Variants in EYS observed in about 807,000 individuals in gnomAD.
EYS encodes the protein EGF-like photoreceptor maintenance factor.
EYS carries 250 observed loss-of-function variants against 282.1 expected under a neutral mutation model. The ratio of observed to expected loss-of-function variants is 0.89; its 90% confidence interval spans 0.80 to 0.98. The LOEUF (loss-of-function observed/expected upper bound fraction) is 0.98. Among genes scored for constraint, EYS ranks in the 50% least tolerant of loss-of-function variants. The probability of loss-of-function intolerance (pLI) is 0.00; values close to 1 mark genes in which losing one functional copy is unlikely to be tolerated. For synonymous variants in EYS, 1,355 were observed against 1,282.9 expected (o/e 1.06, Z -1.20); for missense variants, 4,016 against 3,709.0 (o/e 1.08, Z -2.15).
intron 1 of EYS, among the ~76,000 whole-genome samples, chr6:65,657,722 G>T (rs1323707637): frequency 6.6e-6 from 1 of 151,860 alleles, no homozygotes; most frequent in African/African-American, 2.4e-5. Flanking sequence ...AAAGTTAGTT[G>T]AGAAAGCAGT....
chr6:64,268,154 T>G (rs1238563626), intron 30 of EYS, among the ~76,000 whole-genome samples: 1 of 152,164 alleles, frequency 6.6e-6, no homozygotes, highest in Non-Finnish European at 1.5e-5. Context: ...TTATGTCACA[T>G]CCATAAAATT....
At chr6:64,422,252 T>C (rs1774261422) in intron 28 of EYS, among the ~76,000 whole-genome samples, 1 of 152,118 alleles carries the variant, frequency 6.6e-6, no homozygotes, top group Admixed American at 6.6e-5. Context: ...ACTCGAAACA[T>C]GTTACCTTCT....
intron 26 of EYS, among the ~76,000 whole-genome samples, chr6:64,521,347 C>A (rs1479722019): frequency 6.6e-6 from 1 of 151,746 alleles, no homozygotes; most frequent in East Asian, 1.9e-4. Flanking sequence ...GGTATCTCAG[C>A]TGCATCTGGT....
intron 12 of EYS, among the ~76,000 whole-genome samples, chr6:65,273,143 A>G (rs911740164): frequency 6.6e-6 from 1 of 152,178 alleles, no homozygotes; most frequent in Non-Finnish European, 1.5e-5. Context: ...GCTACTCCTA[A>G]TGGCACATAA....
intron 22 of EYS, among the ~76,000 whole-genome samples, chr6:64,730,090 T>C (rs1044406521): frequency 1.3e-5 from 2 of 152,196 alleles, no homozygotes; most frequent in Non-Finnish European, 2.9e-5. Context: ...CTTGTTAAAT[T>C]TTTGTTTCTT....
intron 41 of EYS, among the ~76,000 whole-genome samples, chr6:63,731,256 G>A (rs1013641121): frequency 1.3e-5 from 2 of 152,092 alleles, no homozygotes; most frequent in African/African-American, 4.8e-5. Context: ...CAGTCATAAT[G>A]ATTCCATTTT....
chr6:65,341,286 G>A (rs1266476817), intron 10 of EYS, among the ~76,000 whole-genome samples: 1 of 151,168 alleles, frequency 6.6e-6, no homozygotes, highest in Non-Finnish European at 1.5e-5. Context: ...ATTTTCTGGA[G>A]ACATGATATT....
intron 30 of EYS, among the ~76,000 whole-genome samples, chr6:64,279,778 G>C (rs1768239557): frequency 6.6e-6 from 1 of 151,932 alleles, no homozygotes; most frequent in South Asian, 2.1e-4. Flanking sequence ...TTGTCCTTTT[G>C]TCTCTTTTCT....
chr6:63,956,246 T>G (rs1765815237), intron 35 of EYS, among the ~76,000 whole-genome samples: 1 of 152,122 alleles, frequency 6.6e-6, no homozygotes, highest in Non-Finnish European at 1.5e-5. Flanking sequence ...AAATGCCTGG[T>G]TCCTGCCTTA....
At chr6:64,468,968 G>A (rs946672120) in intron 26 of EYS, among the ~76,000 whole-genome samples, 2 of 152,102 alleles carry the variant, frequency 1.3e-5, no homozygotes, top group Non-Finnish European at 2.9e-5. Context: ...GAACACACAT[G>A]TGCATGTGTC....
chr6:64,409,705 A>T (rs1773824902), intron 28 of EYS, among the ~76,000 whole-genome samples: 1 of 152,198 alleles, frequency 6.6e-6, no homozygotes, highest in South Asian at 2.1e-4. Flanking sequence ...AGCAAAATGA[A>T]ACCTGAGTAA....
At chr6:65,084,637 C>A (rs1350142901) in intron 12 of EYS, among the ~76,000 whole-genome samples, 2 of 152,042 alleles carry the variant, frequency 1.3e-5, no homozygotes, top group Non-Finnish European at 2.9e-5. Flanking sequence ...ATTCCTCATA[C>A]CCCTGGAAAT....
chr6:64,468,795 G>A (rs1205333045), intron 26 of EYS, among the ~76,000 whole-genome samples: 7 of 152,236 alleles, frequency 4.6e-5, no homozygotes. Context: ...TTAGAATAAT[G>A]GCTTCCAATT....
intron 15 of EYS, among the ~76,000 whole-genome samples, chr6:64,919,841 A>T (rs1441539252): frequency 2.0e-5 from 3 of 152,146 alleles, no homozygotes; most frequent in East Asian, 1.9e-4. Context: ...CTTTTTCAAG[A>T]TTCAGAATAT....
At position 65,494,856 on chromosome 6, in the gene EYS, A is replaced by G. The variant is rs1766186245; in HGVS notation, c.555T>C (p.Gly185=). The G allele has an allele frequency of 1.2e-6, 2 of 1,614,102 alleles. No homozygotes were observed. Among genetic ancestry groups the G allele is most frequent in the Admixed American group, 3.3e-5 (2 of 60,020 alleles). The change falls in exon 4 of 43, where the codon GGT becomes GGC. Residue 185 remains glycine (G), a synonymous_variant. Coordinates refer to ENST00000503581, the MANE Select transcript of EYS (RefSeq NM_001142800.2). Reference sequence around the variant, plus strand: ...AAGCTTCACTAAGACATTTACCATGACCAGAGCAAAATTCTGAACTCAGAG... The same window carrying G: ...AAGCTTCACTAAGACATTTACCATGGCCAGAGCAAAATTCTGAACTCAGAG... The part of the protein sequence containing the change: ...QESLSSEFCS[G]HGKCLSEAWS...
intron 30 of EYS, among the ~76,000 whole-genome samples, chr6:64,231,461 C>T (rs188545104): frequency 6.6e-6 from 1 of 152,182 alleles, no homozygotes; most frequent in East Asian, 1.9e-4. Flanking sequence ...ATCATGATTC[C>T]TAATAAGTAC....
At chr6:63,995,937 A>G (rs150618266) in intron 34 of EYS, among the ~76,000 whole-genome samples, 61 of 152,120 alleles carry the variant, frequency 4.0e-4, no homozygotes, top group African/African-American at 1.4e-3. Flanking sequence ...CAACTAAATG[A>G]GAGGATTTTC....
intron 33 of EYS, among the ~76,000 whole-genome samples, chr6:64,030,113 C>A (rs1169428903): frequency 6.6e-6 from 1 of 151,584 alleles, no homozygotes; most frequent in Admixed American, 6.6e-5. Flanking sequence ...GAGAAAGAGA[C>A]AGAGAGAGGA....
chr6:65,706,687 T>C (rs996993949), intron 1 of EYS, among the ~76,000 whole-genome samples: 1 of 152,122 alleles, frequency 6.6e-6, no homozygotes, highest in African/African-American at 2.4e-5. Context: ...AGTATGAGTA[T>C]CTCTAGATTT....
Sources: allele counts gnomAD v4.1 joint callset (sites outside exome capture counted in the v4.1 genomes callset), GRCh38; gene constraint gnomAD v4.1.1; transcripts MANE v1.5; gene names NCBI Gene and HGNC (gene_info 2026-07-23, HGNC 2026-07-21).